The following TNPO1 variants were observed in gnomAD, a reference collection of about 807,000 sequenced individuals.
TNPO1 encodes the protein transportin 1.
TNPO1 carries 8 observed loss-of-function variants against 119.5 expected under a neutral mutation model. The observed-to-expected ratio is 0.07, with a 90% CI of 0.04 to 0.12. The LOEUF is 0.12. Ranked by LOEUF, TNPO1 falls within the 10% of genes least tolerant of loss-of-function variation. The pLI is 1.00. For missense variants in TNPO1, 576 were observed against 1,089.8 expected, an observed-to-expected ratio of 0.53 and a Z score of 6.64; for synonymous variants, 362 against 363.0, an observed-to-expected ratio of 1.00 and a Z score of 0.03.
chr5:72,905,514 C>T, intron 24 of TNPO1, 69 bp downstream of exon 24: 1 of 680,852 alleles, frequency 1.5e-6, no homozygotes, highest in Non-Finnish European at 2.5e-6. Context: ...TTTCAAACTA[C>T]TAAATAGAAT....
At chr5:72,846,800 A>C (rs1398385435) in intron 1 of TNPO1, among the ~76,000 whole-genome samples, 9 of 152,186 alleles carry the variant, frequency 5.9e-5, no homozygotes, top group Admixed American at 5.9e-4. Flanking sequence ...TCATTTGTAC[A>C]ATGTTGTGTC....
chr5:72,908,771 G>A lies in TNPO1; in HGVS notation c.*98G>A, dbSNP rs1191583787. 3.9e-6 allele frequency: 1 copy of A among 254,384 alleles called. No homozygotes were observed. Among genetic ancestry groups the A allele is most frequent in the Non-Finnish European group, 8.3e-6 (1 of 121,038 alleles). The allele number at this position is 254,384 out of a possible 1,614,324, so 15.8% of individuals were successfully genotyped here. A position where few individuals can be genotyped will look rare whatever the true frequency, so the allele number is the denominator to read the frequency against. On this transcript the variant is annotated 3_prime_UTR_variant, in exon 25 of 25. Transcript: ENST00000337273. ...CCCAGGGAAAATGTTACCCTTTACA[G>A]GGGGGAAGGGTAAACCAGTAGGGAA...
chr5:72,847,878 C>T (rs966467919), intron 1 of TNPO1, among the ~76,000 whole-genome samples: 1 of 152,160 alleles, frequency 6.6e-6, no homozygotes, highest in Admixed American at 6.5e-5. Context: ...AATTAACAAC[C>T]TTTTTACCCT....
At chr5:72,901,740 C>T (rs1224809325) in intron 22 of TNPO1, among the ~76,000 whole-genome samples, 1 of 152,138 alleles carries the variant, frequency 6.6e-6, no homozygotes, top group African/African-American at 2.4e-5. Flanking sequence ...GGTTAAATAC[C>T]TGGATTCTTC....
At chr5:72,850,747 G>A (rs1745483057) in intron 2 of TNPO1, among the ~76,000 whole-genome samples, 1 of 152,140 alleles carries the variant, frequency 6.6e-6, no homozygotes, top group Non-Finnish European at 1.5e-5. Context: ...ATAGCCTTGT[G>A]CATAAATGGC....
At chr5:72,893,091 T>C in intron 15 of TNPO1, 48 bp from the exon 16 acceptor site, 1 of 1,418,826 alleles carries the variant, frequency 7.0e-7, no homozygotes, top group Admixed American at 1.8e-5. Flanking sequence ...TTCATCATAA[T>C]CTTCAGTATA....
At chr5:72,896,958 A>G (rs1032265500) in intron 19 of TNPO1, 98 bp from the exon 20 acceptor site, 3 of 545,930 alleles carry the variant, frequency 5.5e-6, no homozygotes, top group Non-Finnish European at 6.2e-6. Context: ...TATTTATATG[A>G]CATGTCAGAG....
At chr5:72,887,943 G>GTA in intron 12 of TNPO1, 135 bp from the exon 13 acceptor site, 2 of 789,014 alleles carry the variant, frequency 2.5e-6, no homozygotes, top group Non-Finnish European at 4.0e-6. Flanking sequence ...AATAATTTTG[G>GTA]TATAGGTTAT....
chr5:72,896,738 G>A (rs770902898), intron 19 of TNPO1, among the ~76,000 whole-genome samples, 182 bp downstream of exon 19: 1 of 152,044 alleles, frequency 6.6e-6, no homozygotes, highest in African/African-American at 2.4e-5. Flanking sequence ...GCGTGGTAGC[G>A]GGTGCCTATA....
Position 72,912,863 on chromosome 5 carries a change from T to C in TNPO1, c.*4190T>C, listed in dbSNP as rs776336958. On this transcript the variant is annotated 3_prime_UTR_variant, in exon 25 of 25. Transcript: ENST00000337273. ...TCATATTGAATGTATTAACAGATAA[T>C]GGTGCAAAAGCATTCTTCCCAGGGG... The C allele has an allele frequency of 1.4e-4, 21 of 152,528 alleles. No individual in the cohort carries two copies. The highest frequency in any genetic ancestry group is 2.8e-4 in the Non-Finnish European group (19 of 67,934). 9.4% of individuals were successfully genotyped at this position (152,528 alleles called of 1,614,324 possible).
At chr5:72,871,572 C>G (rs1190581123) in intron 6 of TNPO1, among the ~76,000 whole-genome samples, 3 of 152,102 alleles carry the variant, frequency 2.0e-5, no homozygotes, top group Non-Finnish European at 2.9e-5. Flanking sequence ...ATAATGAGAT[C>G]AGGGATAGAC....
At chr5:72,889,764 C>CTTT (rs76051655) in intron 13 of TNPO1, 22 bp from the exon 14 acceptor site, 14 of 1,315,482 alleles carry the variant, frequency 1.1e-5, no homozygotes, top group African/African-American at 3.1e-5. Flanking sequence ...AATAAGTATT[C>CTTT]TTTTTTTTTT....
At chr5:72,826,794 A>G (rs1228230737) in intron 1 of TNPO1, among the ~76,000 whole-genome samples, 4 of 152,206 alleles carry the variant, frequency 2.6e-5, no homozygotes, top group African/African-American at 7.2e-5. Flanking sequence ...GAAGAACGCT[A>G]CAAGGATACA....
At chr5:72,875,805 A>G in intron 8 of TNPO1, 68 bp downstream of exon 8, 4 of 1,517,082 alleles carry the variant, frequency 2.6e-6, no homozygotes, top group East Asian at 2.3e-5. Flanking sequence ...TAGAAAATAC[A>G]ACATACCGGA....
Position 72,900,955 on chromosome 5 carries a change from C to T in TNPO1, c.2415-19C>T. ...CTGCTTGTTACTTAAATGCTAAACTCAATTCTGTAATTCAATAGGTGCACC... is the reference window on the plus strand; with the variant it reads ...CTGCTTGTTACTTAAATGCTAAACTTAATTCTGTAATTCAATAGGTGCACC... On this transcript the variant is annotated intron_variant, in intron 21 of 24. Coordinates refer to ENST00000337273, the MANE Select transcript of TNPO1 (RefSeq NM_002270.4). 6.4e-7 allele frequency: 1 copy of T among 1,574,168 alleles called. No homozygotes were observed. Among genetic ancestry groups the T allele is most frequent in the African/African-American group, 1.4e-5 (1 of 73,820 alleles).
intron 6 of TNPO1, among the ~76,000 whole-genome samples, chr5:72,870,904 A>G (rs930392116): frequency 6.6e-6 from 1 of 152,194 alleles, no homozygotes; most frequent in Non-Finnish European, 1.5e-5. Flanking sequence ...CTTAACATAT[A>G]TATTAGCTCA....
At chr5:72,836,854 CAA>C (rs1744712111) in intron 1 of TNPO1, among the ~76,000 whole-genome samples, 1 of 152,186 alleles carries the variant, frequency 6.6e-6, no homozygotes, top group African/African-American at 2.4e-5. Context: ...CACAATTCAG[CAA>C]AGTTCTTTGC....
chr5:72,864,181 T>C (rs1456179054), intron 5 of TNPO1, among the ~76,000 whole-genome samples: 1 of 152,214 alleles, frequency 6.6e-6, no homozygotes, highest in Non-Finnish European at 1.5e-5. Context: ...TTTTAGCATG[T>C]TAATTAAAAT....
chr5:72,851,743 C>G (rs1032363982), intron 3 of TNPO1, among the ~76,000 whole-genome samples: 2 of 152,318 alleles, frequency 1.3e-5, no homozygotes, highest in East Asian at 3.9e-4. Flanking sequence ...ATTCGCCTGC[C>G]GCAGTCTCCC....
Sources: allele counts gnomAD v4.1 joint callset (sites outside exome capture counted in the v4.1 genomes callset), GRCh38; gene constraint gnomAD v4.1.1; transcripts MANE v1.5; gene names NCBI Gene and HGNC (gene_info 2026-07-23, HGNC 2026-07-21).